Variants in SPTBN1 observed in about 807,000 individuals in gnomAD.
SPTBN1 encodes spectrin beta chain, non-erythrocytic 1.
A neutral mutation model predicts 266.4 loss-of-function variants in SPTBN1; 32 were observed. That is an observed-to-expected ratio of 0.12 (90% CI 0.09 to 0.16). The LOEUF (loss-of-function observed/expected upper bound fraction) is 0.16, where lower values mean the gene tolerates loss of function less well. Among genes scored for constraint, SPTBN1 ranks in the 10% least tolerant of loss-of-function variants. The probability of loss-of-function intolerance (pLI) is 1.00; values close to 1 mark genes in which losing one functional copy is unlikely to be tolerated. For synonymous variants in SPTBN1, 1,336 were observed against 1,162.2 expected (o/e 1.15, Z -3.04); for missense variants, 2,296 against 3,067.1 (o/e 0.75, Z 5.94).
intron 3 of SPTBN1, among the ~76,000 whole-genome samples, chr2:54,610,597 T>TA (rs146641067): frequency 0.039 from 5,920 of 152,274 alleles, 147 homozygotes; most frequent in Admixed American, 0.087. Context: ...GATAAAAAGA[T>TA]ATTTCACAAA....
In SPTBN1 at chr2:54,655,188, A is replaced by G. The variant is rs2104162011; in HGVS notation, c.5941A>G (p.Lys1981Glu). 1 of 1,614,140 alleles carries G rather than the reference A, an allele frequency of 6.2e-7. No homozygotes were observed. The highest frequency in any genetic ancestry group is 2.2e-5 in the East Asian group (1 of 44,890). The change falls in exon 28 of 36, where the codon AAA becomes GAA. Residue 1981 changes from lysine to glutamate, a missense_variant. This residue lies in a region of SPTBN1 where 644 missense variants were observed against 745.3 expected (regional missense o/e 0.86). Coordinates refer to ENST00000356805, the MANE Select transcript of SPTBN1 (RefSeq NM_003128.3). ...ACTTGGGAAATCCCTGTTGGCGAGA[A>G]AACACTATGCATCTGAGGAGGTAGG... Reference protein sequence around the residue: ...IELGKSLLARKHYASEEIKEK... With the variant: ...IELGKSLLAREHYASEEIKEK...
At chr2:54,665,467 G>A (rs73934512) in intron 33 of SPTBN1, among the ~76,000 whole-genome samples, 4,657 of 152,210 alleles carry the variant, frequency 0.031, 252 homozygotes, top group African/African-American at 0.1. Context: ...GATGGCTCTG[G>A]GTCTGTCTTT....
intron 1 of SPTBN1, among the ~76,000 whole-genome samples, chr2:54,503,477 C>T (rs1409924789): frequency 1.3e-5 from 2 of 152,112 alleles, no homozygotes; most frequent in Non-Finnish European, 2.9e-5. Context: ...CTGGCTGTCT[C>T]ACCCAGCACC....
chr2:54,494,181 G>A (rs1573267924), intron 1 of SPTBN1, among the ~76,000 whole-genome samples: 1 of 152,168 alleles, frequency 6.6e-6, no homozygotes, highest in African/African-American at 2.4e-5. Flanking sequence ...TTTAAAATGT[G>A]AATATTTTAA....
intron 1 of SPTBN1, among the ~76,000 whole-genome samples, chr2:54,513,602 T>G (rs1558794328): frequency 2.0e-5 from 3 of 152,196 alleles, no homozygotes; most frequent in Admixed American, 6.5e-5. Flanking sequence ...TGGAAGTAAA[T>G]GTAAGACCAA....
chr2:54,632,969 G>A (rs1048740403), intron 17 of SPTBN1, among the ~76,000 whole-genome samples: 1 of 152,200 alleles, frequency 6.6e-6, no homozygotes, highest in Non-Finnish European at 1.5e-5. Flanking sequence ...GGTGAGACAT[G>A]TACAAGTGTC....
chr2:54,571,468 T>C (rs1674061471), intron 2 of SPTBN1, among the ~76,000 whole-genome samples: 1 of 151,970 alleles, frequency 6.6e-6, no homozygotes. Flanking sequence ...CGGGGAATCT[T>C]CCTCAGTCCC....
Position 54,628,850 on chromosome 2 carries a change from G to C in SPTBN1, c.1799-83G>C. ...TGAGCTGGTAATCATAAGAATATGG[G>C]GTGTAGCTTACTGCCTGCCAGTGAG... is the stretch of plus-strand genomic sequence containing the variant. On this transcript the variant is annotated intron_variant, in intron 13 of 35. Transcript: ENST00000356805. The surrounding 1 kb of genome is among the most constrained non-coding windows in gnomAD (Gnocchi z 4.3). The C allele has an allele frequency of 1.2e-5, 18 of 1,485,602 alleles. No homozygotes were observed. The highest frequency in any genetic ancestry group is 1.6e-5 in the Non-Finnish European group (18 of 1,110,850). 92.0% of individuals were successfully genotyped at this position (1,485,602 alleles called of 1,614,324 possible). A position where few individuals can be genotyped will look rare whatever the true frequency, so the allele number is the denominator to read the frequency against.
intron 4 of SPTBN1, among the ~76,000 whole-genome samples, chr2:54,614,937 C>T (rs1284140054): frequency 6.6e-6 from 1 of 152,138 alleles, no homozygotes; most frequent in Non-Finnish European, 1.5e-5. Context: ...ATACCCTTCA[C>T]ACAGAAGTAT....
At chr2:54,601,258 T>C (rs1434492368) in intron 3 of SPTBN1, among the ~76,000 whole-genome samples, 3 of 152,192 alleles carry the variant, frequency 2.0e-5, no homozygotes, top group Non-Finnish European at 4.4e-5. Flanking sequence ...TTGGATTATA[T>C]AGGTTGGCCA....
chr2:54,489,130 A>G (rs930312996), intron 1 of SPTBN1, among the ~76,000 whole-genome samples: 3 of 141,972 alleles, frequency 2.1e-5, no homozygotes, highest in Non-Finnish European at 3.0e-5. Flanking sequence ...AGACTAGCCT[A>G]GGCAAAACCT....
intron 9 of SPTBN1, 137 bp from the exon 10 acceptor site, chr2:54,623,342 C>A: frequency 2.8e-6 from 2 of 715,496 alleles, no homozygotes; most frequent in Non-Finnish European, 2.4e-6. Context: ...TTTGTAATAG[C>A]CAATAAGCAA....
chr2:54,506,634 G>T (rs73932786), intron 1 of SPTBN1, among the ~76,000 whole-genome samples: 7,236 of 152,064 alleles, frequency 0.048, 227 homozygotes, highest in Admixed American at 0.087. Context: ...TTGTTGTCTG[G>T]GAGCTAGACA....
Position 54,645,488 on chromosome 2 carries a change from A to G in SPTBN1, c.4494+35A>G, listed in dbSNP as rs1292582340. On this transcript the variant is annotated intron_variant, in intron 21 of 35. Transcript: ENST00000356805. This position sits in a 1 kb window ranked among gnomAD's most constrained non-coding sequence, Gnocchi z 4.3. ...CCCCTACTGCACACATGGCTTTTCC[A>G]CGAGCCCCCTTGCCTGTGCTAAAGC... The G allele has an allele frequency of 6.2e-7, 1 of 1,603,760 alleles. No homozygotes were observed. The highest frequency in any genetic ancestry group is 2.2e-5 in the East Asian group (1 of 44,702).
At chr2:54,582,851 T>C (rs917883827) in intron 2 of SPTBN1, among the ~76,000 whole-genome samples, 4 of 152,164 alleles carry the variant, frequency 2.6e-5, no homozygotes, top group Non-Finnish European at 1.5e-5. Flanking sequence ...TTCGTGACTG[T>C]GGGCAAATAA....
intron 18 of SPTBN1, among the ~76,000 whole-genome samples, chr2:54,640,107 A>G (rs1251033819): frequency 1.3e-5 from 2 of 152,166 alleles, no homozygotes; most frequent in Non-Finnish European, 1.5e-5. Context: ...CAAAAGGGTG[A>G]TACAGTCATT....
At chr2:54,577,104 G>T (rs1421579219) in intron 2 of SPTBN1, among the ~76,000 whole-genome samples, 1 of 152,048 alleles carries the variant, frequency 6.6e-6, no homozygotes, top group Non-Finnish European at 1.5e-5. Flanking sequence ...TTAGTTGGGG[G>T]TTTTGCCTCC....
At chr2:54,501,398 C>G (rs1669263066) in intron 1 of SPTBN1, among the ~76,000 whole-genome samples, 1 of 152,150 alleles carries the variant, frequency 6.6e-6, no homozygotes, top group Admixed American at 6.5e-5. Flanking sequence ...AAAGGAGCTT[C>G]TTGAATAGCT....
At position 54,668,495 on chromosome 2, in the gene SPTBN1, A is replaced by G. The variant is rs1301367329; in HGVS notation, c.7021A>G (p.Ser2341Gly). Residue 2341 changes from serine (S) to glycine (G), a missense_variant, in exon 36 of 36, where the codon AGT (serine) becomes GGT (glycine). Coordinates refer to ENST00000356805, the MANE Select transcript of SPTBN1 (RefSeq NM_003128.3). ...CGTCGTCACCATCACCAGCGAGTCC[A>G]GTCCCGGCAAGCGGGAAAAGGACAA... is the stretch of plus-strand genomic sequence containing the variant. ...TSVVTITSES[S>G]PGKREKDKEK... 1 of 1,614,220 alleles carries G rather than the reference A, an allele frequency of 6.2e-7. No homozygotes were observed. The highest frequency in any genetic ancestry group is 2.2e-5 in the East Asian group (1 of 44,880).
Sources: allele counts gnomAD v4.1 joint callset (sites outside exome capture counted in the v4.1 genomes callset), GRCh38; gene constraint gnomAD v4.1.1; regional missense constraint gnomAD v4.1.1; non-coding constraint Gnocchi (gnomAD v3.1); transcripts MANE v1.5; gene names NCBI Gene and HGNC (gene_info 2026-07-23, HGNC 2026-07-21).